UBR2: variants seen among roughly 807,000 people sequenced by gnomAD.
UBR2 encodes the protein ubiquitin protein ligase E3 component n-recognin 2.
Under a neutral mutation model 247.9 loss-of-function variants are expected in UBR2, and 92 were observed. The observed-to-expected ratio is 0.37, with a 90% confidence interval of 0.31 to 0.44. UBR2 has a LOEUF of 0.44. Ranked by LOEUF, UBR2 falls within the 20% of genes least tolerant of loss-of-function variation. The pLI is 1.00. For synonymous variants in UBR2, 672 were observed against 693.5 expected (o/e 0.97, Z 0.49); for missense variants, 1,613 against 2,112.6 (o/e 0.76, Z 4.64).
In UBR2 at chr6:42,667,230, G is replaced by T. The variant is rs190537634; in HGVS notation, c.3881+985G>T. On this transcript the variant is annotated intron_variant, in intron 34 of 46. Transcript: ENST00000372901. ...GCACGCTTGTAATCCCAGCTACTTG[G>T]GGGGCTGAGGCAGGAGAATCGCTTG... is the stretch of plus-strand genomic sequence containing the variant. 7.1e-3 allele frequency among the ~76,000 whole-genome samples: 1,074 copies of T among 152,032 alleles called. 8 individuals are homozygous for T. The highest frequency in any genetic ancestry group is 0.014 in the Admixed American group (211 of 15,266).
At chr6:42,645,686 A>G (rs1796711872) in intron 21 of UBR2, 96 bp downstream of exon 21, 5 of 1,314,820 alleles carry the variant, frequency 3.8e-6, no homozygotes, top group East Asian at 2.3e-5. Context: ...CTTTCTCACA[A>G]TTGTAAAATC....
chr6:42,655,569 A>G, intron 25 of UBR2, 52 bp from the exon 26 acceptor site: 1 of 1,004,018 alleles, frequency 1.0e-6, no homozygotes, highest in Non-Finnish European at 1.5e-6. Context: ...TTATTAAAAT[A>G]TGTACTTGAT....
intron 8 of UBR2, 26 bp from the exon 9 acceptor site, chr6:42,615,045 C>T (rs1165033220): frequency 1.9e-6 from 3 of 1,588,948 alleles, no homozygotes; most frequent in Non-Finnish European, 2.6e-6. Context: ...GTTGCTATCT[C>T]ATTCTACCTT....
chr6:42,578,110 T>C (rs1791641540), intron 2 of UBR2, among the ~76,000 whole-genome samples: 1 of 152,176 alleles, frequency 6.6e-6, no homozygotes, highest in African/African-American at 2.4e-5. Context: ...GAGATTATGC[T>C]AAAAATGATA....
rs920829053 is a variant in UBR2, at chr6:42,650,350, G to A, written c.2529G>A (p.Leu843=). The change falls in exon 23 of 47, where the codon TTG becomes TTA. Residue 843 remains leucine (L), a synonymous_variant. Transcript: ENST00000372901. ...LKPECAKEFN[L]YFYHFSRAEQ... is the part of the protein sequence containing the mutation. The stretch of plus-strand genomic sequence containing the variant: ...CAGAATGTGCCAAAGAGTTCAACTT[G>A]TATTTCTATCACTTTTCAAGGGCAG... The A allele has an allele frequency of 2.0e-5, 32 of 1,613,886 alleles. No individual in the cohort carries two copies. The highest frequency in any genetic ancestry group is 2.6e-5 in the Non-Finnish European group (31 of 1,179,934).
Position 42,592,133 on chromosome 6 carries a change from T to C in UBR2, c.339-18T>C, listed in dbSNP as rs902591293. The stretch of plus-strand genomic sequence containing the variant: ...AGTTATTTTCTGACACTTTGATTTT[T>C]TTTTTTTAACTTTACAGAGACTGTG... On this transcript the variant is annotated intron_variant, in intron 2 of 46. Transcript: ENST00000372901. 6.3e-7 allele frequency: 1 copy of C among 1,598,642 alleles called. No homozygotes were observed. The highest frequency in any genetic ancestry group is 1.8e-5 in the Admixed American group (1 of 56,232).
chr6:42,624,727 G>C (rs1043485668), intron 11 of UBR2, among the ~76,000 whole-genome samples: 6 of 152,084 alleles, frequency 3.9e-5, no homozygotes, highest in African/African-American at 1.4e-4. Context: ...TTGTGGCTGA[G>C]GGTCAAAGGA....
In UBR2 at chr6:42,594,321, A is replaced by G; in HGVS notation, c.531+17A>G. ...GAAGAAGAGGTAAAAACATTTTCACAAAGTTGTTTTTAACCCAAGTTTGAA... is the reference window on the plus strand; with the variant it reads ...GAAGAAGAGGTAAAAACATTTTCACGAAGTTGTTTTTAACCCAAGTTTGAA... On this transcript the variant is annotated intron_variant, in intron 4 of 46. Transcript: ENST00000372901. 1 of 1,587,446 alleles carries G rather than the reference A, an allele frequency of 6.3e-7. No individual in the cohort carries two copies. Among genetic ancestry groups the G allele is most frequent in the Non-Finnish European group, 8.6e-7 (1 of 1,163,082 alleles).
intron 2 of UBR2, among the ~76,000 whole-genome samples, chr6:42,589,882 T>C (rs549988809): frequency 6.6e-6 from 1 of 152,324 alleles, no homozygotes; most frequent in African/African-American, 2.4e-5. Context: ...GTGTTGGATT[T>C]TTCTAGCTGC....
At chr6:42,641,147 A>G (rs1796423490) in intron 16 of UBR2, among the ~76,000 whole-genome samples, 1 of 152,206 alleles carries the variant, frequency 6.6e-6, no homozygotes, top group African/African-American at 2.4e-5. Context: ...ACTAACCATC[A>G]CACAAACATA....
intron 7 of UBR2, among the ~76,000 whole-genome samples, chr6:42,611,397 G>T (rs1794075227): frequency 6.6e-6 from 1 of 150,978 alleles, no homozygotes; most frequent in Non-Finnish European, 1.5e-5. Context: ...GGAGGCAGAG[G>T]TTACAGTGAG....
At chr6:42,681,802 A>G (rs946021010) in intron 42 of UBR2, among the ~76,000 whole-genome samples, 1 of 152,238 alleles carries the variant, frequency 6.6e-6, no homozygotes, top group African/African-American at 2.4e-5. Context: ...ATACACCCAC[A>G]TTTATAGCAG....
rs187696387 is a variant in UBR2, at chr6:42,659,367, G to T, written c.3243-289G>T. Among the ~76,000 whole-genome samples, 603 of 151,958 alleles carry T rather than the reference G, an allele frequency of 4.0e-3. 1 individual carries two copies. Among genetic ancestry groups the T allele is most frequent in the African/African-American group, 0.014 (561 of 41,452 alleles). On this transcript the variant is annotated intron_variant, in intron 29 of 46. Transcript: ENST00000372901. This position sits in a 1 kb window ranked among gnomAD's most constrained non-coding sequence, Gnocchi z 4.3. ...AAAAAAAAAATTAGCCGGGTGTGGT[G>T]GTGCATGCCTATAATCCCAGCTACT...
intron 2 of UBR2, among the ~76,000 whole-genome samples, chr6:42,579,079 C>T (rs555371981): frequency 1.3e-5 from 2 of 151,998 alleles, no homozygotes; most frequent in Non-Finnish European, 2.9e-5. Context: ...TAAAGAAATA[C>T]CTGAGGCTGG....
At position 42,654,721 on chromosome 6, in the gene UBR2, C is replaced by A. The variant is rs542805670; in HGVS notation, c.2770-900C>A. On this transcript the variant is annotated intron_variant, in intron 25 of 46. Coordinates refer to ENST00000372901, the MANE Select transcript of UBR2 (RefSeq NM_001363705.2). ...TGGGCAACAGAGGGAGACTCCGTCT[C>A]AAAAAACAAAAAAACTTGGGCATGG... Among the ~76,000 whole-genome samples the A allele has an allele frequency of 2.0e-5, 3 of 151,858 alleles. No individual in the cohort carries two copies. The East Asian group carries it at 5.8e-4, about 29-fold the overall frequency.
chr6:42,572,355 G>A (rs1791207482), intron 1 of UBR2, among the ~76,000 whole-genome samples: 1 of 151,834 alleles, frequency 6.6e-6, no homozygotes, highest in South Asian at 2.1e-4. Flanking sequence ...AAATCTCTCT[G>A]TATGTTGTTT....
rs1196469808 is a variant in UBR2, at chr6:42,689,973, T to C, written c.5126+303T>C. On this transcript the variant is annotated intron_variant, in intron 46 of 46. Coordinates refer to ENST00000372901, the MANE Select transcript of UBR2 (RefSeq NM_001363705.2). This position sits in a 1 kb window ranked among gnomAD's most constrained non-coding sequence, Gnocchi z 4.0. ...ATCCCAGCTCAGAGCACTCCAGGGA[T>C]GGCCCACTCTGACTTGTATGGCCTT... 1.3e-5 allele frequency among the ~76,000 whole-genome samples: 2 copies of C among 152,210 alleles called. No individual in the cohort carries two copies. Among genetic ancestry groups the C allele is most frequent in the Non-Finnish European group, 2.9e-5 (2 of 68,026 alleles).
At chr6:42,604,806 C>G (rs1197570114) in intron 5 of UBR2, among the ~76,000 whole-genome samples, 1 of 152,086 alleles carries the variant, frequency 6.6e-6, no homozygotes, top group Non-Finnish European at 1.5e-5. Context: ...GCAGGTAGAT[C>G]ACTTGAGCCC....
At chr6:42,686,522 CCA>C (rs1210302812) in intron 44 of UBR2, among the ~76,000 whole-genome samples, 1 of 152,160 alleles carries the variant, frequency 6.6e-6, no homozygotes, top group Non-Finnish European at 1.5e-5. Context: ...TTTCTTTTCC[CCA>C]CATTTCCCCC....
Sources: allele counts gnomAD v4.1 joint callset (sites outside exome capture counted in the v4.1 genomes callset), GRCh38; gene constraint gnomAD v4.1.1; non-coding constraint Gnocchi (gnomAD v3.1); transcripts MANE v1.5; gene names NCBI Gene and HGNC (gene_info 2026-07-23, HGNC 2026-07-21).